The following CACNG2 variants were observed in gnomAD, a reference collection of about 807,000 sequenced individuals.
CACNG2 encodes the protein voltage-dependent calcium channel gamma-2 subunit.
CACNG2 carries 3 observed loss-of-function variants against 25.9 expected under a neutral mutation model. The observed-to-expected ratio is 0.12, with a 90% CI of 0.05 to 0.30. The LOEUF is 0.30. Among genes scored for constraint, CACNG2 ranks in the 10% least tolerant of loss-of-function variants. The pLI is 1.00. For missense variants in CACNG2, 341 were observed against 432.5 expected (o/e 0.79, Z 1.88); for synonymous variants, 167 against 173.3 (o/e 0.96, Z 0.29).
chr22:36,657,938 G>A (rs1936732188), intron 1 of CACNG2, among the ~76,000 whole-genome samples: 1 of 152,078 alleles, frequency 6.6e-6, no homozygotes, highest in African/African-American at 2.4e-5. Context: ...AGTGTCTGAG[G>A]CTGTAGAGAG....
intron 1 of CACNG2, among the ~76,000 whole-genome samples, chr22:36,621,279 G>T (rs1019828556): frequency 6.6e-6 from 1 of 152,284 alleles, no homozygotes; most frequent in African/African-American, 2.4e-5. Context: ...AGGCCGAGGC[G>T]GGCGAATCAC....
chr22:36,622,511 G>A (rs906095534), intron 1 of CACNG2, among the ~76,000 whole-genome samples: 1 of 152,198 alleles, frequency 6.6e-6, no homozygotes, highest in Admixed American at 6.5e-5. Context: ...GGAGAGTTTA[G>A]CAACATATGT....
intron 1 of CACNG2, among the ~76,000 whole-genome samples, chr22:36,616,844 A>T (rs1056679873): frequency 1.3e-5 from 2 of 152,196 alleles, no homozygotes; most frequent in African/African-American, 4.8e-5. Flanking sequence ...CATTTATACC[A>T]TGATGATCTA....
At chr22:36,567,187 T>C (rs1935140558) in intron 2 of CACNG2, among the ~76,000 whole-genome samples, 1 of 152,196 alleles carries the variant, frequency 6.6e-6, no homozygotes, top group South Asian at 2.1e-4. Context: ...CTAAGATTGT[T>C]GTGAGGATTA....
chr22:36,568,006 T>C (rs1029391815), intron 2 of CACNG2, among the ~76,000 whole-genome samples: 1 of 151,818 alleles, frequency 6.6e-6, no homozygotes, highest in Non-Finnish European at 1.5e-5. Flanking sequence ...TGTACCACCA[T>C]GCTTGGCTAA....
chr22:36,566,331 G>GT, intron 3 of CACNG2, 22 bp downstream of exon 3: 1 of 1,613,290 alleles, frequency 6.2e-7, no homozygotes, highest in Non-Finnish European at 8.5e-7. Context: ...CCCAGTGGCA[G>GT]GACTGGATCA....
chr22:36,573,061 G>A (rs899570446), intron 2 of CACNG2, among the ~76,000 whole-genome samples: 1 of 152,350 alleles, frequency 6.6e-6, no homozygotes, highest in South Asian at 2.1e-4. Context: ...ATGGCACCAT[G>A]AGGGTATGTG....
At chr22:36,692,889 T>C (rs1937282842) in intron 1 of CACNG2, among the ~76,000 whole-genome samples, 1 of 152,220 alleles carries the variant, frequency 6.6e-6, no homozygotes, top group South Asian at 2.1e-4. Flanking sequence ...CTCATGCCTA[T>C]AATCCCAGCA....
At chr22:36,579,386 A>G (rs1045874661) in intron 2 of CACNG2, among the ~76,000 whole-genome samples, 3 of 145,440 alleles carry the variant, frequency 2.1e-5, no homozygotes, top group Non-Finnish European at 4.5e-5. Flanking sequence ...CCTGGGCAAC[A>G]AAAGTGAAAC....
At chr22:36,591,643 A>C (rs1935594184) in intron 1 of CACNG2, among the ~76,000 whole-genome samples, 1 of 152,174 alleles carries the variant, frequency 6.6e-6, no homozygotes. Flanking sequence ...ACTGCACTCC[A>C]GTCTGGTGAC....
At position 36,649,901 on chromosome 22, in the gene CACNG2, A is replaced by G. The variant is rs1936581522; in HGVS notation, c.211+52465T>C. On this transcript the variant is annotated intron_variant, in intron 1 of 3. Coordinates refer to ENST00000300105, the MANE Select transcript of CACNG2 (RefSeq NM_006078.5). ...CCATGTGGAACTGTGAGTCCATTAA[A>G]CCTCTTTCCTTGATAAATTACTCAG... 3.3e-5 allele frequency among the ~76,000 whole-genome samples: 5 copies of G among 151,870 alleles called. No individual in the cohort carries two copies. In the South Asian group the frequency reaches 6.2e-4, roughly 19 times the overall value.
intron 1 of CACNG2, among the ~76,000 whole-genome samples, chr22:36,591,138 G>T (rs1288269505): frequency 6.6e-6 from 1 of 151,634 alleles, no homozygotes; most frequent in African/African-American, 2.4e-5. Flanking sequence ...CCGGGTTCAC[G>T]CCATTCTCCT....
At chr22:36,667,464 C>T (rs1399547207) in intron 1 of CACNG2, among the ~76,000 whole-genome samples, 2 of 152,182 alleles carry the variant, frequency 1.3e-5, no homozygotes, top group Non-Finnish European at 2.9e-5. Flanking sequence ...TGACCACCCC[C>T]CACTCCAGGC....
rs1184407269 is a variant in CACNG2, at chr22:36,563,864, A to G, written c.*487T>C. 1.3e-5 allele frequency: 2 copies of G among 150,236 alleles called. No individual in the cohort carries two copies. Among genetic ancestry groups the G allele is most frequent in the East Asian group, 3.9e-4 (2 of 5,180 alleles). 9.3% of individuals were successfully genotyped at this position (150,236 alleles called of 1,614,324 possible). On this transcript the variant is annotated 3_prime_UTR_variant, in exon 4 of 4. Coordinates refer to ENST00000300105, the MANE Select transcript of CACNG2 (RefSeq NM_006078.5). ...CGAGTTAAAAAAAAAAAAAAAAAGT[A>G]ACATAAACCCTGAAAAATACAAAGG... is the stretch of plus-strand genomic sequence containing the variant.
In CACNG2 at chr22:36,676,298, T is replaced by C. The variant is rs150614858; in HGVS notation, c.211+26068A>G. Among the ~76,000 whole-genome samples the C allele has an allele frequency of 1.8e-4, 28 of 152,298 alleles. No individual in the cohort carries two copies. The East Asian group carries it at 5.4e-3, about 29-fold the overall frequency. On this transcript the variant is annotated intron_variant, in intron 1 of 3. Transcript: ENST00000300105. ...ACTTAGAAGTCCCTCTAAACCTGAA[T>C]CTTAGCGGTGGCAGAAGATTATTCT...
intron 1 of CACNG2, among the ~76,000 whole-genome samples, chr22:36,617,766 A>C (rs1047685512): frequency 6.0e-5 from 9 of 150,822 alleles, no homozygotes; most frequent in Non-Finnish European, 1.0e-4. Context: ...CTCTCTGCTT[A>C]ACTTCCCTGA....
chr22:36,657,352 G>T (rs1043807457), intron 1 of CACNG2, among the ~76,000 whole-genome samples: 1 of 152,156 alleles, frequency 6.6e-6, no homozygotes, highest in East Asian at 1.9e-4. Flanking sequence ...ATTATAATTT[G>T]TGGTCAGACT....
chr22:36,658,783 CAGGGGGAAT>C (rs1249735056), intron 1 of CACNG2, among the ~76,000 whole-genome samples: 1 of 151,932 alleles, frequency 6.6e-6, no homozygotes, highest in African/African-American at 2.4e-5. Flanking sequence ...AATAGTGCTC[CAGGGGGAAT>C]AGGCGGGGTG....
At chr22:36,672,662 G>A (rs1003257558) in intron 1 of CACNG2, among the ~76,000 whole-genome samples, 6 of 152,242 alleles carry the variant, frequency 3.9e-5, no homozygotes, top group South Asian at 4.1e-4. Flanking sequence ...CACGAGGTCC[G>A]TTCTCCTTCT....
Sources: gnomAD v4.1 joint callset for allele counts (sites outside exome capture counted in the v4.1 genomes callset) on GRCh38, gnomAD v4.1.1 for gene constraint, MANE v1.5 for transcripts, NCBI Gene and HGNC (gene_info 2026-07-23, HGNC 2026-07-21) for gene names.